Variants in RPRD2 observed in about 807,000 individuals in gnomAD.
RPRD2 encodes regulation of nuclear pre-mRNA domain containing 2.
In RPRD2, 12 loss-of-function variants were observed where a neutral mutation model predicts 104.4. The observed-to-expected ratio is 0.11, with a 90% CI of 0.07 to 0.19. RPRD2 has a LOEUF of 0.19. RPRD2 is among the 10% of genes least tolerant of loss of function. The pLI is 1.00. For synonymous variants in RPRD2, 714 were observed against 684.9 expected (o/e 1.04, Z -0.66); for missense variants, 1,543 against 1,790.1 (o/e 0.86, Z 2.49).
At chr1:150,427,170 A>G (rs1236841127) in intron 2 of RPRD2, among the ~76,000 whole-genome samples, 1 of 146,910 alleles carries the variant, frequency 6.8e-6, no homozygotes, top group East Asian at 2.0e-4. Context: ...AAAAAGTTTT[A>G]AAAAAGAAAA....
At chr1:150,438,397 G>A (rs1179375622) in intron 2 of RPRD2, among the ~76,000 whole-genome samples, 4 of 152,080 alleles carry the variant, frequency 2.6e-5, no homozygotes, top group Admixed American at 2.6e-4. Context: ...AGGCCAAGGC[G>A]GGCAGATCAC....
intron 1 of RPRD2, among the ~76,000 whole-genome samples, chr1:150,377,273 G>A (rs1439814436): frequency 6.6e-6 from 1 of 151,528 alleles, no homozygotes; most frequent in Non-Finnish European, 1.5e-5. Context: ...CCTGTATTGG[G>A]TGCTGAAAGA....
intron 1 of RPRD2, among the ~76,000 whole-genome samples, chr1:150,396,975 T>C (rs186267765): frequency 2.2e-4 from 33 of 152,228 alleles, no homozygotes; most frequent in Middle Eastern, 3.4e-3. Flanking sequence ...AAATTTTCTT[T>C]CTTTATTTTT....
chr1:150,418,346 CT>C (rs1301155929), intron 2 of RPRD2, among the ~76,000 whole-genome samples: 10 of 152,186 alleles, frequency 6.6e-5, no homozygotes, highest in Non-Finnish European at 1.3e-4. Context: ...TGTATGTCTC[CT>C]GGTGATAATC....
rs185203790 is a variant in RPRD2 at position 150,378,059 on chromosome 1, C to T, written c.205+13140C>T. 5.3e-5 allele frequency among the ~76,000 whole-genome samples: 8 copies of T among 152,060 alleles called. No individual in the cohort carries two copies. The East Asian group carries it at 9.6e-4, about 18-fold the overall frequency. ...GTAAGTGGGAGAAAGAAAAGAAATA[C>T]GGTGGATTCAAAGCCCAAGTTGCTT... On this transcript the variant is annotated intron_variant, in intron 1 of 10. Transcript: ENST00000369068.
chr1:150,427,865 A>G (rs1018430813), intron 2 of RPRD2, among the ~76,000 whole-genome samples: 1 of 152,130 alleles, frequency 6.6e-6, no homozygotes, highest in South Asian at 2.1e-4. Context: ...ATAAAGTTAA[A>G]TGATTTCCTA....
intron 2 of RPRD2, among the ~76,000 whole-genome samples, chr1:150,432,344 G>C (rs370043082): frequency 2.9e-4 from 44 of 152,064 alleles, no homozygotes; most frequent in African/African-American, 1.0e-3. Context: ...GTTATCAGGA[G>C]CTGGGAAAAA....
intron 1 of RPRD2, among the ~76,000 whole-genome samples, chr1:150,383,935 C>T (rs1661344267): frequency 1.3e-5 from 2 of 152,116 alleles, no homozygotes; most frequent in Non-Finnish European, 2.9e-5. Flanking sequence ...ACAAAAATAA[C>T]AGTACAAATT....
chr1:150,472,526 A>G lies in RPRD2; in HGVS notation c.3578A>G (p.His1193Arg), dbSNP rs1668657458. Residue 1193 changes from histidine (H) to arginine (R), a missense_variant, in exon 11 of 11, where the codon CAT becomes CGT. Physicochemically the swap from His to Arg is conservative, Grantham distance 29. This residue lies in a region of RPRD2 where 880 missense variants were observed against 885.6 expected (regional missense o/e 0.99). Coordinates refer to ENST00000369068, the MANE Select transcript of RPRD2 (RefSeq NM_015203.5). ...AGTTTCAACTCAACATTTGAGCATC[A>G]TCTTCCCCCATCCCCCTTGGAACAT... ...SNSFNSTFEH[H>R]LPPSPLEHGT... 3 of 1,613,920 alleles carry G rather than the reference A, an allele frequency of 1.9e-6. No homozygotes were observed. Among genetic ancestry groups the G allele is most frequent in the Non-Finnish European group, 2.5e-6 (3 of 1,179,874 alleles).
chr1:150,415,053 G>C (rs1217039107), intron 1 of RPRD2, among the ~76,000 whole-genome samples: 1 of 152,070 alleles, frequency 6.6e-6, no homozygotes, highest in Non-Finnish European at 1.5e-5. Context: ...GGTCGGGTGC[G>C]GTGGCTTATG....
At chr1:150,404,813 G>A (rs1553886169) in intron 1 of RPRD2, among the ~76,000 whole-genome samples, 1 of 152,048 alleles carries the variant, frequency 6.6e-6, no homozygotes, top group Admixed American at 6.6e-5. Flanking sequence ...ACATTCAAGA[G>A]TTCCTATCCA....
intron 2 of RPRD2, among the ~76,000 whole-genome samples, chr1:150,438,926 C>T (rs1057490599): frequency 6.6e-6 from 1 of 152,060 alleles, no homozygotes. Context: ...CCTTCGACTC[C>T]TTGGTTCAAG....
chr1:150,437,256 T>C (rs1666068497), intron 2 of RPRD2, among the ~76,000 whole-genome samples: 1 of 151,950 alleles, frequency 6.6e-6, no homozygotes, highest in African/African-American at 2.4e-5. Context: ...CCCAACACTT[T>C]GGAGGCCAAG....
chr1:150,458,203 T>G (rs587640197), intron 8 of RPRD2, among the ~76,000 whole-genome samples: 38 of 152,114 alleles, frequency 2.5e-4, no homozygotes, highest in East Asian at 5.8e-4. Flanking sequence ...GCCTGTAATC[T>G]CAGCACTTTG....
intron 7 of RPRD2, among the ~76,000 whole-genome samples, chr1:150,448,092 C>T (rs1666915485): frequency 6.6e-6 from 1 of 152,214 alleles, no homozygotes; most frequent in Non-Finnish European, 1.5e-5. Context: ...TGGTTAGTAG[C>T]ATCCCTATTT....
chr1:150,428,888 AG>A (rs1171033943), intron 2 of RPRD2, among the ~76,000 whole-genome samples: 3 of 152,058 alleles, frequency 2.0e-5, no homozygotes, highest in African/African-American at 7.2e-5. Context: ...TATAAGAGTA[AG>A]GGGGGGTGTC....
chr1:150,471,063 C>T lies in RPRD2; in HGVS notation c.2115C>T (p.Pro705=). Residue 705 remains proline, a synonymous_variant, in exon 11 of 11, where the codon CCC becomes CCT. Coordinates refer to ENST00000369068, the MANE Select transcript of RPRD2 (RefSeq NM_015203.5). The surrounding 1 kb of genome is among the most constrained non-coding windows in gnomAD (Gnocchi z 5.3). Reference sequence around the variant, plus strand: ...CCAGCGCCCCATCAGAGAGCCATCCCTCAGACTTCCAGCGTGGCCCTACTA... The same window carrying T: ...CCAGCGCCCCATCAGAGAGCCATCCTTCAGACTTCCAGCGTGGCCCTACTA... ...LGSSAPSESH[P]SDFQRGPTST... 1 of 1,614,018 alleles carries T rather than the reference C, an allele frequency of 6.2e-7. No individual in the cohort carries two copies. Among genetic ancestry groups the T allele is most frequent in the South Asian group, 1.1e-5 (1 of 91,082 alleles).
chr1:150,455,055 A>G (rs891050119), intron 7 of RPRD2, among the ~76,000 whole-genome samples: 1 of 152,192 alleles, frequency 6.6e-6, no homozygotes, highest in Non-Finnish European at 1.5e-5. Context: ...TGCCCTTGAT[A>G]TGGTGTGATC....
At chr1:150,448,009 G>A (rs1456144168) in intron 7 of RPRD2, among the ~76,000 whole-genome samples, 1 of 152,014 alleles carries the variant, frequency 6.6e-6, no homozygotes, top group African/African-American at 2.4e-5. Context: ...TTTTAAATCT[G>A]TTATCTATAA....
Sources: allele counts gnomAD v4.1 joint callset (sites outside exome capture counted in the v4.1 genomes callset), GRCh38; gene constraint gnomAD v4.1.1; regional missense constraint gnomAD v4.1.1; non-coding constraint Gnocchi (gnomAD v3.1); transcripts MANE v1.5; gene names NCBI Gene and HGNC (gene_info 2026-07-23, HGNC 2026-07-21).